BAZ2B: variants seen among roughly 807,000 people sequenced by gnomAD.
BAZ2B encodes bromodomain adjacent to zinc finger domain 2B, also known as bromodomain adjacent to zinc finger domain protein 2B.
A neutral mutation model predicts 246.0 loss-of-function variants in BAZ2B; 91 were observed. The observed-to-expected ratio is 0.37, with a 90% CI of 0.31 to 0.44. The LOEUF (loss-of-function observed/expected upper bound fraction) is 0.44, where lower values mean the gene tolerates loss of function less well. Among genes scored for constraint, BAZ2B ranks in the 20% least tolerant of loss-of-function variants. The probability of loss-of-function intolerance (pLI) is 1.00; values close to 1 mark genes in which losing one functional copy is unlikely to be tolerated. For synonymous variants in BAZ2B, 855 were observed against 860.0 expected, an observed-to-expected ratio of 0.99 and a Z score of 0.10; for missense variants, 2,332 against 2,533.7, an observed-to-expected ratio of 0.92 and a Z score of 1.71.
At chr2:159,403,113 T>C (rs912467729) in intron 16 of BAZ2B, among the ~76,000 whole-genome samples, 1 of 152,172 alleles carries the variant, frequency 6.6e-6, no homozygotes, top group African/African-American at 2.4e-5. Context: ...ATTTTTGGTC[T>C]ACTAGGTGGA....
At chr2:159,327,663 TA>T (rs1392347714) in intron 34 of BAZ2B, among the ~76,000 whole-genome samples, 2 of 152,238 alleles carry the variant, frequency 1.3e-5, no homozygotes, top group African/African-American at 4.8e-5. Context: ...CTGTGTTACT[TA>T]AAACAGAGCT....
chr2:159,319,051 T>C lies in BAZ2B; in HGVS notation c.*1214A>G, dbSNP rs951356284. The C allele has an allele frequency of 1.3e-5, 2 of 152,680 alleles. No individual in the cohort carries two copies. The highest frequency in any genetic ancestry group is 4.8e-5 in the African/African-American group (2 of 41,468). 9.5% of individuals were successfully genotyped at this position (152,680 alleles called of 1,614,324 possible). On this transcript the variant is annotated 3_prime_UTR_variant, in exon 37 of 37. Coordinates refer to ENST00000392783, the MANE Select transcript of BAZ2B (RefSeq NM_013450.4). This position sits in a 1 kb window ranked among gnomAD's most constrained non-coding sequence, Gnocchi z 4.0. ...AATAACACTCCTAAAAAAAGAATGC[T>C]ACCTTTTCCACAACATTTTATTTTA...
chr2:159,373,618 C>T (rs1329693643), intron 26 of BAZ2B, among the ~76,000 whole-genome samples: 1 of 151,964 alleles, frequency 6.6e-6, no homozygotes, highest in East Asian at 1.9e-4. Flanking sequence ...GTCATTTGAA[C>T]CCAGGAATTA....
At chr2:159,603,373 T>G (rs1322089916) in intron 1 of BAZ2B, among the ~76,000 whole-genome samples, 1 of 152,206 alleles carries the variant, frequency 6.6e-6, no homozygotes, top group Non-Finnish European at 1.5e-5. Context: ...GGCATTTCTG[T>G]TAGAAGAAAT....
At chr2:159,520,856 C>A (rs552580733) in intron 2 of BAZ2B, among the ~76,000 whole-genome samples, 7 of 152,122 alleles carry the variant, frequency 4.6e-5, no homozygotes, top group Admixed American at 1.3e-4. Flanking sequence ...GATTAAATGA[C>A]AATTTTCATC....
intron 2 of BAZ2B, among the ~76,000 whole-genome samples, chr2:159,542,322 A>G (rs116036800): frequency 1.2e-4 from 18 of 152,354 alleles, no homozygotes; most frequent in Non-Finnish European, 2.2e-4. Context: ...GAATCTACAT[A>G]TCCATATCCA....
intron 13 of BAZ2B, among the ~76,000 whole-genome samples, chr2:159,412,767 A>G (rs955770325): frequency 1.3e-5 from 2 of 152,184 alleles, no homozygotes; most frequent in African/African-American, 2.4e-5. Context: ...GCTTTAATTA[A>G]ATATATAGAT....
At chr2:159,611,174 G>A (rs1694646773) in intron 1 of BAZ2B, among the ~76,000 whole-genome samples, 1 of 151,818 alleles carries the variant, frequency 6.6e-6, no homozygotes, top group African/African-American at 2.4e-5. Flanking sequence ...CTAGAAATCT[G>A]ATGCCTGAAA....
At chr2:159,390,157 T>G (rs1423369632) in intron 20 of BAZ2B, among the ~76,000 whole-genome samples, 1 of 152,192 alleles carries the variant, frequency 6.6e-6, no homozygotes, top group Non-Finnish European at 1.5e-5. Context: ...AGTAGAATCA[T>G]CAGTCAGTTC....
At chr2:159,447,241 T>G (rs1240111356) in intron 5 of BAZ2B, among the ~76,000 whole-genome samples, 1 of 152,130 alleles carries the variant, frequency 6.6e-6, no homozygotes. Context: ...CCTTTTGCAG[T>G]GATAAAAATG....
chr2:159,567,590 T>C (rs534764790), intron 1 of BAZ2B, among the ~76,000 whole-genome samples: 13 of 152,322 alleles, frequency 8.5e-5, no homozygotes, highest in African/African-American at 3.1e-4. Context: ...TTTGAGAATG[T>C]TGCACATTAT....
intron 32 of BAZ2B, among the ~76,000 whole-genome samples, 198 bp from the exon 33 acceptor site, chr2:159,337,275 G>T (rs918822409): frequency 2.0e-5 from 3 of 152,142 alleles, no homozygotes; most frequent in African/African-American, 4.8e-5. Context: ...CCAGGTAGAT[G>T]TAAGATCACT....
intron 33 of BAZ2B, among the ~76,000 whole-genome samples, chr2:159,336,671 G>C (rs961661296): frequency 1.3e-5 from 2 of 152,298 alleles, no homozygotes; most frequent in Admixed American, 1.3e-4. Context: ...TAACTATTGT[G>C]CTGATGGAAT....
chr2:159,633,122 T>G, the BAZ2B span, among the ~76,000 whole-genome samples: 1 of 151,488 alleles, frequency 6.6e-6, no homozygotes, highest in African/African-American at 2.4e-5. Flanking sequence ...GGTATGTACT[T>G]ATAAGCATAC....
At chr2:159,347,683 A>G in intron 30 of BAZ2B, 37 bp from the exon 31 acceptor site, 1 of 1,515,284 alleles carries the variant, frequency 6.6e-7, no homozygotes, top group Non-Finnish European at 9.0e-7. Context: ...AAATCCACTT[A>G]TTAAGCTTTT....
rs536409487 is a variant in BAZ2B, at chr2:159,455,135, C to T, written c.146-1334G>A. On this transcript the variant is annotated intron_variant, in intron 3 of 36. Coordinates refer to ENST00000392783, the MANE Select transcript of BAZ2B (RefSeq NM_013450.4). The stretch of plus-strand genomic sequence containing the variant: ...TATCTCTTGTTTATATTATATCAGT[C>T]CTGACTGTGCACTGCAATTTAATTA... Among the ~76,000 whole-genome samples the T allele has an allele frequency of 3.3e-5, 5 of 152,096 alleles. No individual in the cohort carries two copies. In the South Asian group the frequency reaches 1.0e-3, roughly 32 times the overall value.
chr2:159,573,983 C>T (rs1018864037), intron 1 of BAZ2B, among the ~76,000 whole-genome samples: 6 of 152,004 alleles, frequency 3.9e-5, no homozygotes, highest in African/African-American at 1.2e-4. Context: ...TGCCCATAGT[C>T]CCAGCTACTT....
chr2:159,437,826 AG>A (rs1157516450), intron 8 of BAZ2B: 4 of 155,254 alleles, frequency 2.6e-5, no homozygotes, highest in East Asian at 3.8e-4. Context: ...CTGAGACAGC[AG>A]GATCACTTGG....
intron 3 of BAZ2B, among the ~76,000 whole-genome samples, chr2:159,473,568 T>A (rs1397343401): frequency 1.3e-5 from 2 of 152,214 alleles, no homozygotes; most frequent in African/African-American, 4.8e-5. Context: ...CCTTCAGTTT[T>A]ATTCTGATTT....
Sources: allele counts gnomAD v4.1 joint callset (sites outside exome capture counted in the v4.1 genomes callset), GRCh38; gene constraint gnomAD v4.1.1; non-coding constraint Gnocchi (gnomAD v3.1); transcripts MANE v1.5; gene names NCBI Gene and HGNC (gene_info 2026-07-23, HGNC 2026-07-21).